Variants in SELE observed in about 807,000 individuals in gnomAD.
SELE encodes selectin E, also known as E-selectin.
SELE carries 52 observed loss-of-function variants against 75.8 expected under a neutral mutation model. That is an observed-to-expected ratio of 0.69 (90% CI 0.55 to 0.86). The LOEUF is 0.86. Ranked by LOEUF, SELE falls within the 40% of genes least tolerant of loss-of-function variation. The probability of loss-of-function intolerance (pLI) is 0.00; values close to 1 mark genes in which losing one functional copy is unlikely to be tolerated. For synonymous variants in SELE, 285 were observed against 258.7 expected (o/e 1.10, Z -0.98); for missense variants, 754 against 732.7 (o/e 1.03, Z -0.34).
intron 10 of SELE, 111 bp downstream of exon 10, chr1:169,727,238 A>G: frequency 8.3e-7 from 1 of 1,206,150 alleles, no homozygotes; most frequent in South Asian, 1.6e-5. Context: ...CAACTTGTCA[A>G]CCTGGGCGAA....
At chr1:169,725,177 A>G (rs900226145) in intron 13 of SELE, among the ~76,000 whole-genome samples, 1 of 152,166 alleles carries the variant, frequency 6.6e-6, no homozygotes, top group African/African-American at 2.4e-5. Context: ...CAGGAGTTCA[A>G]GATCAGCCTG....
intron 4 of SELE, 28 bp from the exon 5 acceptor site, chr1:169,730,645 C>A (rs1164185763): frequency 8.0e-6 from 12 of 1,502,648 alleles, no homozygotes; most frequent in Non-Finnish European, 1.1e-5. Context: ...ATCAGTTCTG[C>A]TCATCTCTCA....
At chr1:169,730,325 C>CA (rs60426343) in intron 5 of SELE, 107 bp downstream of exon 5, 11,726 of 966,758 alleles carry the variant, frequency 0.012, no homozygotes, top group Non-Finnish European at 0.014. Context: ...AAAACAAAAA[C>CA]AAAAAAAAAA....
intron 7 of SELE, 52 bp from the exon 8 acceptor site, chr1:169,728,298 C>G: frequency 3.2e-6 from 5 of 1,571,428 alleles, no homozygotes; most frequent in Non-Finnish European, 3.5e-6. Context: ...CTAGAGAGTA[C>G]TTGGCGTTTG....
At chr1:169,726,248 C>T (rs1648759564) in intron 11 of SELE, among the ~76,000 whole-genome samples, 1 of 152,160 alleles carries the variant, frequency 6.6e-6, no homozygotes, top group South Asian at 2.1e-4. Context: ...AACGTCAGAA[C>T]TTAACTCAAA....
At chr1:169,729,725 T>G (rs377071442) in intron 5 of SELE, 52 bp from the exon 6 acceptor site, 3 of 1,575,342 alleles carry the variant, frequency 1.9e-6, no homozygotes, top group Non-Finnish European at 2.6e-6. Flanking sequence ...ATCTTTTCAC[T>G]TCCTATTGAG....
chr1:169,726,488 A>G (rs1028334595), intron 11 of SELE, among the ~76,000 whole-genome samples: 6 of 152,170 alleles, frequency 3.9e-5, no homozygotes, highest in Non-Finnish European at 8.8e-5. Context: ...GAGTTGTACA[A>G]TATTAGGCAC....
At chr1:169,729,402 G>A (rs1221034176) in intron 6 of SELE, 28 bp from the exon 7 acceptor site, 2 of 1,610,566 alleles carry the variant, frequency 1.2e-6, no homozygotes, top group Non-Finnish European at 1.7e-6. Context: ...ATTGATATTA[G>A]CACGGCCTAG....
rs1648664666 is a variant in SELE at position 169,723,046 on chromosome 1, G to A, written c.*1479C>T. On this transcript the variant is annotated 3_prime_UTR_variant, in exon 14 of 14. Transcript: ENST00000333360. ...AAACTTTTTTTTCAACACATGCTAA[G>A]TTAATGGAAGTGTAGGAGAGTTTTG... The A allele has an allele frequency of 6.6e-6, 1 of 152,112 alleles. No homozygotes were observed. The highest frequency in any genetic ancestry group is 1.5e-5 in the Non-Finnish European group (1 of 68,020). The allele number at this position is 152,112 out of a possible 1,614,324, so 9.4% of individuals were successfully genotyped here.
In SELE at chr1:169,725,736, T is replaced by C; in HGVS notation, c.*8A>G. 6.2e-7 allele frequency: 1 copy of C among 1,613,268 alleles called. No homozygotes were observed. Among genetic ancestry groups the C allele is most frequent in the Non-Finnish European group, 8.5e-7 (1 of 1,179,272 alleles). ...GTGATTTACAAGTCTTACCTGATTC[T>C]TTTGAACTTAAAGGATGTAAGAAGG... On this transcript the variant is annotated 3_prime_UTR_variant, in exon 13 of 14. Coordinates refer to ENST00000333360, the MANE Select transcript of SELE (RefSeq NM_000450.2).
rs761647024 is a variant in SELE at position 169,726,754 on chromosome 1, G to C, written c.1698C>G (p.Leu566=). 1.9e-5 allele frequency: 30 copies of C among 1,613,834 alleles called. No individual in the cohort carries two copies. The South Asian group carries it at 3.3e-4, about 18-fold the overall frequency. ...GAAATGGTGCTAATGTCAGGAGGGAGAGTCCAGCAGCAGAAAGTCCAGCTA... is the reference window on the plus strand; with the variant it reads ...GAAATGGTGCTAATGTCAGGAGGGACAGTCCAGCAGCAGAAAGTCCAGCTA... ...PLVAGLSAAG[L]SLLTLAPFLL... Residue 566 remains leucine (L), a synonymous_variant, in exon 11 of 14, where the codon CTC becomes CTG. Transcript: ENST00000333360.
rs778546855 is a variant in SELE, at chr1:169,732,797, A to C, written c.239T>G (p.Val80Gly). Residue 80 changes from valine to glycine, a missense_variant, in exon 3 of 14, where the codon GTG becomes GGG. Val to Gly is a moderately radical substitution (Grantham distance 109). Transcript: ENST00000333360. ...TTTCTGGGTTCCTACCCAGACCCACACATTGTTGACTTTTCTGATTCCAAT... is the reference window on the plus strand; with the variant it reads ...TTTCTGGGTTCCTACCCAGACCCACCCATTGTTGACTTTTCTGATTCCAAT... ...YWIGIRKVNN[V>G]WVWVGTQKPL... is the part of the protein sequence containing the mutation. 1 of 1,614,122 alleles carries C rather than the reference A, an allele frequency of 6.2e-7. No individual in the cohort carries two copies. The highest frequency in any genetic ancestry group is 1.3e-5 in the African/African-American group (1 of 75,046).
At chr1:169,733,103 G>T in intron 2 of SELE, 105 bp from the exon 3 acceptor site, 1 of 1,141,166 alleles carries the variant, frequency 8.8e-7, no homozygotes, top group Non-Finnish European at 1.2e-6. Flanking sequence ...TTTGTGACAT[G>T]GCCCAGACTT....
Position 169,729,514 on chromosome 1 carries a change from C to T in SELE, c.875G>A (p.Trp292Ter), listed in dbSNP as rs1200882672. The T allele has an allele frequency of 6.2e-7, 1 of 1,613,972 alleles. No homozygotes were observed. Among genetic ancestry groups the T allele is most frequent in the African/African-American group, 1.3e-5 (1 of 74,906 alleles). Residue 292 changes from tryptophan to a stop codon, truncating the protein, a stop_gained, in exon 6 of 14, where the codon TGG becomes TAG. Transcript: ENST00000333360. LOFTEE classifies it high-confidence loss of function. ...QSLQCTSSGNWDNEKPTCKAV... is the reference protein window; with the variant it reads ...QSLQCTSSGN The stretch of plus-strand genomic sequence containing the variant: ...TTTACACGTTGGCTTCTCGTTGTCC[C>T]AATTCCCAGATGAGGTACACTGAAG...
chr1:169,733,589 TGAGA>T lies in SELE; in HGVS notation c.20_23del (p.Leu7GlnfsTer24). ...GCACTGACTTACCCAAAGTGAGAGC[TGAGA>T]GAAACTGTGAAGCAATCATGACTTC... On this transcript the variant is annotated frameshift_variant, in exon 2 of 14. Transcript: ENST00000333360. LOFTEE classifies it high-confidence loss of function. The T allele has an allele frequency of 6.2e-7, 1 of 1,614,012 alleles. No individual in the cohort carries two copies. The highest frequency in any genetic ancestry group is 8.5e-7 in the Non-Finnish European group (1 of 1,179,890).
Position 169,733,629 on chromosome 1 carries a change from T to C in SELE, c.-17A>G, listed in dbSNP as rs774920355. The C allele has an allele frequency of 6.2e-7, 1 of 1,613,844 alleles. No individual in the cohort carries two copies. The highest frequency in any genetic ancestry group is 1.7e-5 in the Admixed American group (1 of 60,028). ...AGCAATCATGACTTCAAGAGTTCTT[T>C]TCACCCAAAGGTTTAGGCTTGAAAT... is the stretch of plus-strand genomic sequence containing the variant. On this transcript the variant is annotated 5_prime_UTR_variant, in exon 2 of 14. Transcript: ENST00000333360.
At chr1:169,729,146 G>GTTC in intron 7 of SELE, 40 bp downstream of exon 7, 1 of 1,513,688 alleles carries the variant, frequency 6.6e-7, no homozygotes, top group East Asian at 2.3e-5. Flanking sequence ...GAAGATGGTT[G>GTTC]TTCTTTAAGA....
intron 5 of SELE, among the ~76,000 whole-genome samples, chr1:169,729,929 T>TA (rs569892080): frequency 2.6e-5 from 4 of 152,000 alleles, no homozygotes; most frequent in East Asian, 1.9e-4. Context: ...GGTAAAAATT[T>TA]AAAAAAAATA....
chr1:169,727,822 T>C lies in SELE; in HGVS notation c.1385A>G (p.Glu462Gly). 1 of 1,614,150 alleles carries C rather than the reference T, an allele frequency of 6.2e-7. No individual in the cohort carries two copies. Among genetic ancestry groups the C allele is most frequent in the Non-Finnish European group, 8.5e-7 (1 of 1,179,998 alleles). Residue 462 changes from glutamate (E) to glycine (G), a missense_variant, in exon 9 of 14, where the codon GAG becomes GGG. By Grantham distance (98) the Glu-to-Gly change is moderately conservative (BLOSUM62 -2). Coordinates refer to ENST00000333360, the MANE Select transcript of SELE (RefSeq NM_000450.2). ...TYKSSCAFSC[E>G]EGFELHGSTQ... ...TGATCCATGTAATTCAAATCCCTCC[T>C]CACAGCTGAAGGCACAAGAGGACTT...
Sources: allele counts gnomAD v4.1 joint callset (sites outside exome capture counted in the v4.1 genomes callset), GRCh38; gene constraint gnomAD v4.1.1; transcripts MANE v1.5; gene names NCBI Gene and HGNC (gene_info 2026-07-23, HGNC 2026-07-21).